Variants in AGFG1 observed in about 807,000 individuals in gnomAD.
AGFG1 encodes the protein arf-GAP domain and FG repeat-containing protein 1.
In AGFG1, 10 loss-of-function variants were observed where a neutral mutation model predicts 60.6. The ratio of observed to expected loss-of-function variants is 0.16; its 90% CI spans 0.10 to 0.28. The LOEUF is 0.28. AGFG1 is among the 10% of genes least tolerant of loss of function. The pLI, the probability that AGFG1 is intolerant of heterozygous loss-of-function variation, is 1.00. For missense variants in AGFG1, 537 were observed against 676.5 expected (o/e 0.79, Z 2.29); for synonymous variants, 247 against 242.9 (o/e 1.02, Z -0.16).
At chr2:227,536,433 A>G (rs1004144515) in intron 8 of AGFG1, among the ~76,000 whole-genome samples, 192 bp from the exon 9 acceptor site, 1 of 152,012 alleles carries the variant, frequency 6.6e-6, no homozygotes, top group Non-Finnish European at 1.5e-5. Flanking sequence ...TTATTTTTTT[A>G]TGATGATTCT....
At chr2:227,530,370 C>G (rs1692123476) in intron 5 of AGFG1, among the ~76,000 whole-genome samples, 1 of 152,122 alleles carries the variant, frequency 6.6e-6, no homozygotes, top group South Asian at 2.1e-4. Context: ...GTGAATAGAT[C>G]AGTACCTAGA....
At chr2:227,474,204 A>G (rs1253683439) in intron 1 of AGFG1, among the ~76,000 whole-genome samples, 6 of 152,244 alleles carry the variant, frequency 3.9e-5, no homozygotes, top group African/African-American at 9.6e-5. Flanking sequence ...ACGTTGGACA[A>G]TATTGGTTCC....
intron 10 of AGFG1, among the ~76,000 whole-genome samples, chr2:227,549,279 C>T (rs1318033767): frequency 2.6e-5 from 4 of 151,928 alleles, no homozygotes; most frequent in African/African-American, 7.3e-5. Flanking sequence ...ATTCTTATGC[C>T]AATTTAAAAA....
intron 6 of AGFG1, among the ~76,000 whole-genome samples, chr2:227,532,778 A>G (rs575604159): frequency 4.7e-4 from 71 of 152,294 alleles, no homozygotes; most frequent in Non-Finnish European, 8.7e-4. Flanking sequence ...GCATAGAATG[A>G]AATATACTGG....
chr2:227,475,978 A>C (rs1029605440), intron 1 of AGFG1, among the ~76,000 whole-genome samples: 22 of 152,208 alleles, frequency 1.4e-4, no homozygotes, highest in Admixed American at 2.6e-4. Flanking sequence ...CATACCTTCT[A>C]TCATTTATAC....
At chr2:227,528,591 A>G (rs1291781966) in intron 5 of AGFG1, among the ~76,000 whole-genome samples, 10 of 152,134 alleles carry the variant, frequency 6.6e-5, no homozygotes, top group Admixed American at 6.6e-4. Flanking sequence ...CCATTTTAGG[A>G]TTATTGAAAT....
At chr2:227,509,719 T>TA (rs1323693815) in intron 2 of AGFG1, among the ~76,000 whole-genome samples, 2 of 148,792 alleles carry the variant, frequency 1.3e-5, no homozygotes, top group Admixed American at 1.3e-4. Flanking sequence ...ATTTTGTAAT[T>TA]AAAAAACCAA....
rs77885776 is a variant in AGFG1, at chr2:227,478,125, G to T, written c.167+5537G>T. On this transcript the variant is annotated intron_variant, in intron 1 of 12. Coordinates refer to ENST00000310078, the MANE Select transcript of AGFG1 (RefSeq NM_004504.5). Reference sequence around the variant, plus strand: ...TGGCATGTGCATACTACCATGTGCCGTAATTCTCGTGCTATTTTTTATATT... The same window carrying T: ...TGGCATGTGCATACTACCATGTGCCTTAATTCTCGTGCTATTTTTTATATT... Among the ~76,000 whole-genome samples, 199 of 124,382 alleles carry T rather than the reference G, an allele frequency of 1.6e-3. No homozygotes were observed. In the East Asian group the frequency reaches 0.03, roughly 19 times the overall value. The allele number at this position is 124,382 out of a possible 152,430, so 81.6% of individuals were successfully genotyped here.
intron 10 of AGFG1, among the ~76,000 whole-genome samples, chr2:227,545,419 C>T (rs867682039): frequency 1.7e-4 from 26 of 152,200 alleles, no homozygotes; most frequent in Admixed American, 1.4e-3. Context: ...TCCTTTAGCT[C>T]GGAGAAGTTT....
At chr2:227,523,949 A>C in intron 4 of AGFG1, 24 bp downstream of exon 4, 1 of 1,593,154 alleles carries the variant, frequency 6.3e-7, no homozygotes, top group Non-Finnish European at 8.6e-7. Context: ...GAATCTTTGT[A>C]GGGAATTCGA....
chr2:227,504,391 C>T (rs528263538), intron 2 of AGFG1, among the ~76,000 whole-genome samples: 6 of 152,230 alleles, frequency 3.9e-5, no homozygotes, highest in Admixed American at 2.6e-4. Flanking sequence ...TAGAGCTTCA[C>T]TATGTTGCCC....
chr2:227,501,867 T>A (rs1347377673), intron 2 of AGFG1, among the ~76,000 whole-genome samples: 1 of 152,088 alleles, frequency 6.6e-6, no homozygotes, highest in Non-Finnish European at 1.5e-5. Context: ...CTTCCTTTTT[T>A]ATTTTTTTTG....
intron 11 of AGFG1, among the ~76,000 whole-genome samples, chr2:227,553,356 C>T (rs575258060): frequency 3.9e-5 from 6 of 152,082 alleles, no homozygotes; most frequent in Admixed American, 3.3e-4. Flanking sequence ...ATTAGCTGGG[C>T]GTGCTGGCGT....
intron 6 of AGFG1, chr2:227,532,348 A>G: frequency 3.6e-6 from 2 of 558,682 alleles, no homozygotes; most frequent in Non-Finnish European, 5.8e-6. Flanking sequence ...CTATTTATTA[A>G]ACTCAGAGTT....
In AGFG1 at chr2:227,555,587, T is replaced by C. The variant is rs10205120; in HGVS notation, c.*1092T>C. On this transcript the variant is annotated 3_prime_UTR_variant, in exon 13 of 13. Coordinates refer to ENST00000310078, the MANE Select transcript of AGFG1 (RefSeq NM_004504.5). ...GGGCAAACTGATATTATCTATAGGA[T>C]ATTTGTTTATGTTTGTTTTTTGGGG... 7,865 of 152,702 alleles carry C rather than the reference T, an allele frequency of 0.052. 263 individuals are homozygous for C. The highest frequency in any genetic ancestry group is 0.1 in the African/African-American group (4,176 of 41,540). The allele number at this position is 152,702 out of a possible 1,614,324, so 9.5% of individuals were successfully genotyped here. A position where few individuals can be genotyped will look rare whatever the true frequency, so the allele number is the denominator to read the frequency against.
chr2:227,484,013 C>T (rs945424791), intron 1 of AGFG1, among the ~76,000 whole-genome samples: 1 of 152,032 alleles, frequency 6.6e-6, no homozygotes. Context: ...GTGTGCTGCA[C>T]CCATTAACAT....
At chr2:227,513,668 A>G (rs1041562186) in intron 2 of AGFG1, among the ~76,000 whole-genome samples, 1 of 152,208 alleles carries the variant, frequency 6.6e-6, no homozygotes, top group Non-Finnish European at 1.5e-5. Flanking sequence ...ACTTCCTTCA[A>G]ATTATCCAAA....
At chr2:227,510,249 T>TACAC (rs753132671) in intron 2 of AGFG1, among the ~76,000 whole-genome samples, 3 of 151,522 alleles carry the variant, frequency 2.0e-5, no homozygotes, top group African/African-American at 7.3e-5. Flanking sequence ...GCACCACACA[T>TACAC]ACACACACAC....
At chr2:227,508,094 T>C (rs1000329977) in intron 2 of AGFG1, among the ~76,000 whole-genome samples, 1 of 152,136 alleles carries the variant, frequency 6.6e-6, no homozygotes, top group Non-Finnish European at 1.5e-5. Flanking sequence ...TTTATTTACA[T>C]AGAATATTGT....
Sources: gnomAD v4.1 joint callset for allele counts (sites outside exome capture counted in the v4.1 genomes callset) on GRCh38, gnomAD v4.1.1 for gene constraint, MANE v1.5 for transcripts, NCBI Gene and HGNC (gene_info 2026-07-23, HGNC 2026-07-21) for gene names.